Variants in CDK8 observed in about 807,000 individuals in gnomAD.
CDK8 encodes the protein cyclin-dependent kinase 8.
In CDK8, 29 loss-of-function variants were observed where a neutral mutation model predicts 71.5. The ratio of observed to expected loss-of-function variants is 0.41; its 90% CI spans 0.30 to 0.55. CDK8 has a LOEUF of 0.55. Among genes scored for constraint, CDK8 ranks in the 20% least tolerant of loss-of-function variants. The probability of loss-of-function intolerance (pLI) is 0.37; values close to 1 mark genes in which losing one functional copy is unlikely to be tolerated. For missense variants in CDK8, 288 were observed against 572.6 expected (o/e 0.50, Z 5.07); for synonymous variants, 161 against 192.1 (o/e 0.84, Z 1.34).
At chr13:26,392,520 A>T (rs1875799251) in intron 6 of CDK8, among the ~76,000 whole-genome samples, 1 of 151,756 alleles carries the variant, frequency 6.6e-6, no homozygotes, top group African/African-American at 2.4e-5. Flanking sequence ...TAGAGACAGG[A>T]TTTAACTATG....
intron 1 of CDK8, among the ~76,000 whole-genome samples, chr13:26,322,422 CTGTG>C: frequency 6.6e-6 from 1 of 152,216 alleles, no homozygotes; most frequent in African/African-American, 2.4e-5. Flanking sequence ...TTTTCTCACT[CTGTG>C]TGGTTATTTC....
At chr13:26,278,043 GA>G (rs1690843856) in intron 1 of CDK8, among the ~76,000 whole-genome samples, 1 of 152,114 alleles carries the variant, frequency 6.6e-6, no homozygotes, top group African/African-American at 2.4e-5. Context: ...TTATGGAATG[GA>G]AAAAGGGGAA....
chr13:26,371,776 C>T (rs1351168769), intron 4 of CDK8, among the ~76,000 whole-genome samples: 2 of 151,978 alleles, frequency 1.3e-5, no homozygotes, highest in Admixed American at 1.3e-4. Flanking sequence ...CCACCATGCC[C>T]AGCTAATTTT....
chr13:26,311,920 T>G (rs1427623121), intron 1 of CDK8, among the ~76,000 whole-genome samples: 1 of 152,154 alleles, frequency 6.6e-6, no homozygotes, highest in Non-Finnish European at 1.5e-5. Context: ...AAATCAGCAT[T>G]CTATAAAGAA....
At position 26,401,605 on chromosome 13, in the gene CDK8, T is replaced by C. The variant is rs1443664164; in HGVS notation, c.1250T>C (p.Ile417Thr). 3.7e-6 allele frequency: 6 copies of C among 1,614,140 alleles called. No homozygotes were observed. The highest frequency in any genetic ancestry group is 1.1e-5 in the South Asian group (1 of 91,080). The change falls in exon 12 of 13, where the codon ATC (isoleucine) becomes ACC (threonine). Residue 417 changes from isoleucine to threonine, a missense_variant. Ile to Thr is a moderately conservative substitution (Grantham distance 89). Transcript: ENST00000381527. The surrounding 1 kb of genome is among the most constrained non-coding windows in gnomAD (Gnocchi z 4.5). ...VPPTTTSGGL[I>T]MTSDYQRSNP... The stretch of plus-strand genomic sequence containing the variant: ...CCTACCACTACCTCAGGTGGACTTA[T>C]CATGACCTCAGACTATCAGGTATTC...
At chr13:26,327,342 G>GT (rs2137957044) in intron 1 of CDK8, among the ~76,000 whole-genome samples, 1 of 152,020 alleles carries the variant, frequency 6.6e-6, no homozygotes, top group Non-Finnish European at 1.5e-5. Flanking sequence ...CTTTTTTAAG[G>GT]TAAAGGAATA....
intron 2 of CDK8, among the ~76,000 whole-genome samples, chr13:26,347,320 C>T (rs1873499815): frequency 6.6e-6 from 1 of 152,012 alleles, no homozygotes; most frequent in Non-Finnish European, 1.5e-5. Flanking sequence ...AATTTAAATG[C>T]CTGAAATTAG....
intron 1 of CDK8, among the ~76,000 whole-genome samples, chr13:26,287,753 A>G (rs1474738083): frequency 6.6e-6 from 1 of 152,008 alleles, no homozygotes; most frequent in East Asian, 1.9e-4. Flanking sequence ...AAATAATTCT[A>G]AAAAAAAGTA....
chr13:26,353,723 T>A lies in CDK8; in HGVS notation c.316-17T>A. ...CCTTTTTTTAAGCTTCTGTTGATAT[T>A]TTTTTCTTTCTTTCAGCATATAATC... On this transcript the variant is annotated splice_polypyrimidine_tract_variant and intron_variant, in intron 3 of 12. Coordinates refer to ENST00000381527, the MANE Select transcript of CDK8 (RefSeq NM_001260.3). The A allele has an allele frequency of 6.3e-7, 1 of 1,582,438 alleles. No homozygotes were observed. The highest frequency in any genetic ancestry group is 8.6e-7 in the Non-Finnish European group (1 of 1,161,794).
Position 26,374,869 on chromosome 13 carries a change from G to A in CDK8, c.457-7945G>A, listed in dbSNP as rs57605658. 3.9e-3 allele frequency among the ~76,000 whole-genome samples: 597 copies of A among 152,090 alleles called. 7 individuals carry two copies. Among genetic ancestry groups the A allele is most frequent in the African/African-American group, 0.013 (520 of 41,528 alleles). Reference sequence around the variant, plus strand: ...TTGAATTCGCAAAATCTGTTAATACGTATCAAGAAACCTTAAAAATGTTTA... The same window carrying A: ...TTGAATTCGCAAAATCTGTTAATACATATCAAGAAACCTTAAAAATGTTTA... On this transcript the variant is annotated intron_variant, in intron 4 of 12. Coordinates refer to ENST00000381527, the MANE Select transcript of CDK8 (RefSeq NM_001260.3).
chr13:26,317,741 A>G lies in CDK8; in HGVS notation c.129-19826A>G, dbSNP rs190970101. On this transcript the variant is annotated intron_variant, in intron 1 of 12. Coordinates refer to ENST00000381527, the MANE Select transcript of CDK8 (RefSeq NM_001260.3). ...AAGATAAGTTAGAAAATACCTAGAG[A>G]CAAATGAAAATGAAAACATAACATA... Among the ~76,000 whole-genome samples the G allele has an allele frequency of 8.5e-5, 13 of 152,328 alleles. No individual in the cohort carries two copies. In the East Asian group the frequency reaches 2.3e-3, roughly 27 times the overall value.
intron 4 of CDK8, among the ~76,000 whole-genome samples, chr13:26,379,779 C>T (rs1443193422): frequency 6.6e-6 from 1 of 152,152 alleles, no homozygotes; most frequent in African/African-American, 2.4e-5. Context: ...AACTAATCAA[C>T]TTGTACCTCT....
intron 1 of CDK8, among the ~76,000 whole-genome samples, chr13:26,279,967 T>TTGTGTG (rs148491122): frequency 2.7e-5 from 4 of 149,454 alleles, no homozygotes; most frequent in Admixed American, 2.0e-4. Flanking sequence ...CAGAAGAAAA[T>TTGTGTG]TGTGTGTGTG....
intron 1 of CDK8, among the ~76,000 whole-genome samples, chr13:26,309,647 C>T (rs1291503847): frequency 6.6e-6 from 1 of 152,134 alleles, no homozygotes; most frequent in East Asian, 1.9e-4. Flanking sequence ...CATTCTCTCC[C>T]TAGGTGTTTT....
chr13:26,306,347 G>A (rs1874039573), intron 1 of CDK8, among the ~76,000 whole-genome samples: 1 of 152,002 alleles, frequency 6.6e-6, no homozygotes, highest in South Asian at 2.1e-4. Flanking sequence ...TCTTTTGTGG[G>A]AATGAACATA....
At chr13:26,263,324 A>G (rs1453951465) in intron 1 of CDK8, among the ~76,000 whole-genome samples, 5 of 151,516 alleles carry the variant, frequency 3.3e-5, no homozygotes, top group African/African-American at 1.2e-4. Flanking sequence ...TTTAGTAGAG[A>G]CAGGGTTTCA....
At chr13:26,274,390 A>C (rs972016232) in intron 1 of CDK8, among the ~76,000 whole-genome samples, 1 of 150,886 alleles carries the variant, frequency 6.6e-6, no homozygotes. Context: ...TCTTTTCGGA[A>C]TTACCCAATC....
Position 26,314,455 on chromosome 13 carries a change from G to A in CDK8, c.129-23112G>A, listed in dbSNP as rs77738508. Among the ~76,000 whole-genome samples, 321 of 152,258 alleles carry A rather than the reference G, an allele frequency of 2.1e-3. 1 individual carries two copies. The highest frequency in any genetic ancestry group is 7.5e-3 in the African/African-American group (310 of 41,554). ...ACATTTTGGAAAATTAGGTTACTGG[G>A]ATGAAATAGTTTTGATGTTTGTAGT... On this transcript the variant is annotated intron_variant, in intron 1 of 12. Transcript: ENST00000381527.
chr13:26,396,515 ATTTC>A lies in CDK8; in HGVS notation c.860+164_860+167del, dbSNP rs940784144. Among the ~76,000 whole-genome samples the A allele has an allele frequency of 3.2e-4, 48 of 152,254 alleles. 1 individual carries two copies. The Middle Eastern group carries it at 0.02, about 65-fold the overall frequency. Reference sequence around the variant, plus strand: ...AATATTTTTCATGATGACAGTCTTTATTTCTTAAGATGCTTAAATGATTATATAC... The same window carrying A: ...AATATTTTTCATGATGACAGTCTTTATTAAGATGCTTAAATGATTATATAC... On this transcript the variant is annotated intron_variant, in intron 8 of 12. Transcript: ENST00000381527.
Sources: allele counts gnomAD v4.1 joint callset (sites outside exome capture counted in the v4.1 genomes callset), GRCh38; gene constraint gnomAD v4.1.1; non-coding constraint Gnocchi (gnomAD v3.1); transcripts MANE v1.5; gene names NCBI Gene and HGNC (gene_info 2026-07-23, HGNC 2026-07-21).